Variants in ASNS observed in about 807,000 individuals in gnomAD.
ASNS encodes the protein asparagine synthetase (glutamine-hydrolyzing), also known as asparagine synthetase [glutamine-hydrolyzing].
In ASNS, 37 loss-of-function variants were observed where a neutral mutation model predicts 62.6. The observed-to-expected ratio is 0.59, with a 90% CI of 0.45 to 0.78. The LOEUF (loss-of-function observed/expected upper bound fraction) is 0.78, where lower values mean the gene tolerates loss of function less well. Among genes scored for constraint, ASNS ranks in the 30% least tolerant of loss-of-function variants. ASNS has a pLI of 0.00. For missense variants in ASNS, 520 were observed against 682.4 expected (o/e 0.76, Z 2.65); for synonymous variants, 207 against 237.9 (o/e 0.87, Z 1.19).
the ASNS span, chr7:97,898,980 A>G: frequency 5.0e-5 from 38 of 753,816 alleles, 1 homozygote; most frequent in South Asian, 4.7e-4. Context: ...CTGGCGACCA[A>G]GTCTTTCCAA....
chr7:97,912,826 A>G, the ASNS span, among the ~76,000 whole-genome samples: 1 of 150,876 alleles, frequency 6.6e-6, no homozygotes, highest in Non-Finnish European at 1.5e-5. Context: ...AAGTGATCCA[A>G]CCCCCTAAGC....
intron 1 of ASNS, chr7:97,870,225 G>A: frequency 1.0e-6 from 1 of 953,886 alleles, no homozygotes; most frequent in Non-Finnish European, 1.5e-6. Flanking sequence ...CAGTGTCTGA[G>A]TGCTACGAAG....
At chr7:97,868,804 G>A in intron 3 of ASNS, 104 bp downstream of exon 3, 1 of 1,491,088 alleles carries the variant, frequency 6.7e-7, no homozygotes, top group Non-Finnish European at 9.1e-7. Context: ...CGAACATAGA[G>A]TGCTTTGCAA....
the ASNS span, among the ~76,000 whole-genome samples, chr7:97,880,735 G>A: frequency 1.3e-5 from 2 of 152,174 alleles, no homozygotes; most frequent in Admixed American, 6.5e-5. Context: ...ACATTGGCAG[G>A]CTAGAAAACA....
intron 3 of ASNS, among the ~76,000 whole-genome samples, chr7:97,868,176 C>T (rs906345514): frequency 2.0e-5 from 3 of 152,078 alleles, no homozygotes; most frequent in African/African-American, 7.2e-5. Flanking sequence ...GGCATGGTGG[C>T]AGGTGCCTGT....
At position 97,858,944 on chromosome 7, in the gene ASNS, C is replaced by A. The variant is rs1488937281; in HGVS notation, c.685G>T (p.Glu229Ter). Residue 229 changes from glutamate (E) to a stop codon, truncating the protein, a stop_gained, in exon 6 of 13, where the codon GAA becomes TAA. Coordinates refer to ENST00000394308, the MANE Select transcript of ASNS (RefSeq NM_001673.5). LOFTEE classifies it high-confidence loss of function. ...ATCCTGAGGTTGTTCTTCACAGTTT[C>A]TATCTCAAAACCTATAAACACAGCA... is the stretch of plus-strand genomic sequence containing the variant. ...VEKLFPGFEI[E>*]TVKNNLRILF... 9 of 1,612,684 alleles carry A rather than the reference C, an allele frequency of 5.6e-6. No homozygotes were observed. The highest frequency in any genetic ancestry group is 7.6e-6 in the Non-Finnish European group (9 of 1,179,692).
chr7:97,900,345 A>G, the ASNS span, among the ~76,000 whole-genome samples: 1 of 124,450 alleles, frequency 8.0e-6, no homozygotes, highest in Non-Finnish European at 1.6e-5. Flanking sequence ...TGGGTGATGG[A>G]GCAAGACTTT....
rs754013993 is a variant in ASNS, at chr7:97,868,960, T to C, written c.197A>G (p.Lys66Arg). ...GTAACAGAGCCACAAATACGGATATTTCTTCACTCGAATTGGCTGCATTCC... is the reference window on the plus strand; with the variant it reads ...GTAACAGAGCCACAAATACGGATATCTCTTCACTCGAATTGGCTGCATTCC... ...LFGMQPIRVK[K>R]YPYLWLCYNG... Residue 66 changes from lysine (K) to arginine (R), a missense_variant, in exon 3 of 13, where the codon AAA becomes AGA. By Grantham distance (26) the Lys-to-Arg change is conservative. Coordinates refer to ENST00000394308, the MANE Select transcript of ASNS (RefSeq NM_001673.5). The C allele has an allele frequency of 4.9e-5, 79 of 1,614,108 alleles. 1 individual carries two copies. In the South Asian group the frequency reaches 8.3e-4, roughly 17 times the overall value.
the ASNS span, among the ~76,000 whole-genome samples, chr7:97,889,809 C>T: frequency 1.3e-5 from 2 of 148,918 alleles, no homozygotes; most frequent in African/African-American, 4.9e-5. Flanking sequence ...CAAAGAAGCA[C>T]AATAATTCTC....
chr7:97,906,652 A>G, the ASNS span: 1 of 160,552 alleles, frequency 6.2e-6, no homozygotes, highest in African/African-American at 2.4e-5. Context: ...TCTCTAATAT[A>G]ACCTTGTGTA....
chr7:97,884,081 G>A, the ASNS span, among the ~76,000 whole-genome samples: 3 of 152,062 alleles, frequency 2.0e-5, no homozygotes, highest in Non-Finnish European at 4.4e-5. Flanking sequence ...TTTCACCAGT[G>A]GGGAAGCTGG....
intron 8 of ASNS, among the ~76,000 whole-genome samples, chr7:97,855,799 A>G (rs910038765): frequency 6.6e-6 from 1 of 152,244 alleles, no homozygotes; most frequent in African/African-American, 2.4e-5. Flanking sequence ...TAGTGGTATT[A>G]TGACACAAAA....
At chr7:97,904,553 T>G in the ASNS span, among the ~76,000 whole-genome samples, 1 of 152,106 alleles carries the variant, frequency 6.6e-6, no homozygotes, top group African/African-American at 2.4e-5. Flanking sequence ...AGAAGAATGC[T>G]AGAGAGTCTT....
At chr7:97,904,939 A>T in the ASNS span, among the ~76,000 whole-genome samples, 2 of 152,234 alleles carry the variant, frequency 1.3e-5, no homozygotes, top group East Asian at 1.9e-4. Context: ...CTCTAATCAG[A>T]TGATGAAAAC....
chr7:97,896,757 T>C, the ASNS span, among the ~76,000 whole-genome samples: 23 of 103,920 alleles, frequency 2.2e-4, 1 homozygote, highest in Admixed American at 5.9e-4. Flanking sequence ...TATATATATA[T>C]ATATATATAT....
chr7:97,859,126 TA>T (rs1324877351), intron 5 of ASNS, 86 bp downstream of exon 5: 13 of 1,511,752 alleles, frequency 8.6e-6, no homozygotes, highest in Non-Finnish European at 1.1e-5. Context: ...GTCTTGAAAC[TA>T]AAATCATTCA....
At chr7:97,904,096 G>A in the ASNS span, among the ~76,000 whole-genome samples, 1 of 152,212 alleles carries the variant, frequency 6.6e-6, no homozygotes, top group East Asian at 1.9e-4. Flanking sequence ...CTTCTATTAA[G>A]GGGTGTTAGG....
At chr7:97,917,267 A>G in the ASNS span, among the ~76,000 whole-genome samples, 2 of 149,528 alleles carry the variant, frequency 1.3e-5, no homozygotes, top group African/African-American at 4.9e-5. Context: ...GTTTAATTGG[A>G]CTTCCTGTAT....
chr7:97,861,616 T>C (rs4729386), intron 4 of ASNS, among the ~76,000 whole-genome samples: 101,571 of 152,090 alleles, frequency 0.67, 35,386 homozygotes, highest in African/African-American at 0.88. Flanking sequence ...TACTTTGTTC[T>C]TCATTTTCAA....
Sources: gnomAD v4.1 joint callset for allele counts (sites outside exome capture counted in the v4.1 genomes callset) on GRCh38, gnomAD v4.1.1 for gene constraint, MANE v1.5 for transcripts, NCBI Gene and HGNC (gene_info 2026-07-23, HGNC 2026-07-21) for gene names.